Variants in PLEKHA6 observed in about 807,000 individuals in gnomAD.
PLEKHA6 encodes pleckstrin homology domain containing A6.
PLEKHA6 carries 60 observed loss-of-function variants against 116.7 expected under a neutral mutation model. That is an observed-to-expected ratio of 0.51 (90% CI 0.42 to 0.64). The LOEUF is 0.64. Among genes scored for constraint, PLEKHA6 ranks in the 30% least tolerant of loss-of-function variants. The pLI, the probability that PLEKHA6 is intolerant of heterozygous loss-of-function variation, is 0.00. For synonymous variants in PLEKHA6, 489 were observed against 556.1 expected (o/e 0.88, Z 1.70); for missense variants, 1,338 against 1,422.7 (o/e 0.94, Z 0.96).
chr1:204,372,449 T>C (rs914177401), intron 1 of PLEKHA6, among the ~76,000 whole-genome samples: 5 of 152,196 alleles, frequency 3.3e-5, no homozygotes, highest in African/African-American at 1.2e-4. Context: ...CTGTCTTGGC[T>C]ACTTCAGGTA....
chr1:204,228,340 A>C lies in PLEKHA6; in HGVS notation c.2886-112T>G, dbSNP rs1660671445. ...GAGGGCCAGGGCCCCGTGAATGTGC[A>C]GTCTCTGGTTCCCAGCAAGGCTGTC... On this transcript the variant is annotated intron_variant, in intron 20 of 22. Coordinates refer to ENST00000272203, the MANE Select transcript of PLEKHA6 (RefSeq NM_014935.5). This position sits in a 1 kb window ranked among gnomAD's most constrained non-coding sequence, Gnocchi z 4.0. The C allele has an allele frequency of 9.3e-7, 1 of 1,076,180 alleles. No homozygotes were observed. Among genetic ancestry groups the C allele is most frequent in the Non-Finnish European group, 1.4e-6 (1 of 737,988 alleles). The allele number at this position is 1,076,180 out of a possible 1,614,324, so 66.7% of individuals were successfully genotyped here. A position where few individuals can be genotyped will look rare whatever the true frequency, so the allele number is the denominator to read the frequency against.
chr1:204,354,430 A>T (rs985054851), intron 1 of PLEKHA6, among the ~76,000 whole-genome samples: 2 of 152,104 alleles, frequency 1.3e-5, no homozygotes, highest in Non-Finnish European at 2.9e-5. Flanking sequence ...CCCTAAAAAC[A>T]TTTCCCACCA....
intron 1 of PLEKHA6, 166 bp downstream of exon 1, chr1:204,359,528 A>T (rs1673509704): frequency 1.3e-6 from 1 of 791,620 alleles, no homozygotes; most frequent in African/African-American, 1.9e-5. Flanking sequence ...CATTCTCAGC[A>T]TCCATGATCC....
At position 204,223,264 on chromosome 1, in the gene PLEKHA6, T is replaced by C. The variant is rs933058570; in HGVS notation, c.*8+198A>G. On this transcript the variant is annotated intron_variant, in intron 22 of 22. Coordinates refer to ENST00000272203, the MANE Select transcript of PLEKHA6 (RefSeq NM_014935.5). The surrounding 1 kb of genome is among the most constrained non-coding windows in gnomAD (Gnocchi z 4.8). ...ACATCCAAGAAGCGGCCCTGCCAGC[T>C]GGCTCCAGCCCAGCACTGCGTGGGG... Among the ~76,000 whole-genome samples the C allele has an allele frequency of 3.3e-5, 5 of 152,122 alleles. No homozygotes were observed. The highest frequency in any genetic ancestry group is 1.2e-4 in the African/African-American group (5 of 41,440).
intron 1 of PLEKHA6, among the ~76,000 whole-genome samples, chr1:204,336,133 G>A (rs1218129975): frequency 6.6e-6 from 1 of 152,118 alleles, no homozygotes; most frequent in African/African-American, 2.4e-5. Flanking sequence ...AGCTCTCAGT[G>A]CGGCATCCTA....
Position 204,228,985 on chromosome 1 carries a change from G to A in PLEKHA6, c.2703C>T (p.Arg901=). ...ETPREEIARL[R]KMELEPQHYD... ...AATGCTGGGGCTCTAGCTCCATTTT[G>A]CGAAGCCGGGCAATTTCCTCCCGGG... The change falls in exon 19 of 23, where the codon CGC becomes CGT. Residue 901 remains arginine (R), a synonymous_variant. Transcript: ENST00000272203. This position sits in a 1 kb window ranked among gnomAD's most constrained non-coding sequence, Gnocchi z 4.0. 3 of 1,614,160 alleles carry A rather than the reference G, an allele frequency of 1.9e-6. No individual in the cohort carries two copies. Among genetic ancestry groups the A allele is most frequent in the Non-Finnish European group, 2.5e-6 (3 of 1,180,022 alleles).
chr1:204,341,067 C>G (rs1672828965), intron 1 of PLEKHA6, among the ~76,000 whole-genome samples: 1 of 152,182 alleles, frequency 6.6e-6, no homozygotes, highest in African/African-American at 2.4e-5. Flanking sequence ...CGGTGCTCTA[C>G]CAGCCAGCTA....
intron 1 of PLEKHA6, among the ~76,000 whole-genome samples, chr1:204,358,125 C>T (rs762377602): frequency 6.6e-6 from 1 of 152,206 alleles, no homozygotes; most frequent in Non-Finnish European, 1.5e-5. Context: ...ATTAATTACA[C>T]ACCAGTGCTA....
chr1:204,275,625 C>CT, intron 1 of PLEKHA6: 2 of 844,596 alleles, frequency 2.4e-6, no homozygotes, highest in Non-Finnish European at 2.9e-6. Flanking sequence ...CTCCGGCTGG[C>CT]TGAGTGTCAG....
chr1:204,376,847 A>G (rs768749627), intron 1 of PLEKHA6, among the ~76,000 whole-genome samples: 6 of 152,188 alleles, frequency 3.9e-5, no homozygotes, highest in South Asian at 2.1e-4. Flanking sequence ...GACTTGCTAT[A>G]TTTCTGGAAG....
In PLEKHA6 at chr1:204,244,919, G is replaced by A. The variant is rs777129079; in HGVS notation, c.2117C>T (p.Pro706Leu). The change falls in exon 15 of 23, where the codon CCC (proline) becomes CTC (leucine). Residue 706 changes from proline to leucine, a missense_variant. Transcript: ENST00000272203. Reference protein sequence around the residue: ...SSASLTSPLSPFSLVSGSQGS... With the variant: ...SSASLTSPLSLFSLVSGSQGS... ...CTGAGAGCCCGACACCAGTGAAAAG[G>A]GGCTCAGGGGGCTGGTGAGGCTGGC... is the stretch of plus-strand genomic sequence containing the variant. 2 of 1,529,488 alleles carry A rather than the reference G, an allele frequency of 1.3e-6. No homozygotes were observed. Among genetic ancestry groups the A allele is most frequent in the African/African-American group, 1.4e-5 (1 of 71,528 alleles). The allele number at this position is 1,529,488 out of a possible 1,614,324, so 94.7% of individuals were successfully genotyped here.
chr1:204,256,646 G>A (rs1033041503), intron 9 of PLEKHA6, among the ~76,000 whole-genome samples: 1 of 152,190 alleles, frequency 6.6e-6, no homozygotes, highest in Non-Finnish European at 1.5e-5. Flanking sequence ...CTAGAGTCCT[G>A]GCTGGGAGGG....
Position 204,220,165 on chromosome 1 carries a change from C to T in PLEKHA6, c.*2623G>A, listed in dbSNP as rs1659501722. On this transcript the variant is annotated 3_prime_UTR_variant, in exon 23 of 23. Coordinates refer to ENST00000272203, the MANE Select transcript of PLEKHA6 (RefSeq NM_014935.5). Reference sequence around the variant, plus strand: ...CTGTTTGGCATAGGCTGCTGTTACGCTGTCTGCTCTTTCCAGCAGGCTGAT... The same window carrying T: ...CTGTTTGGCATAGGCTGCTGTTACGTTGTCTGCTCTTTCCAGCAGGCTGAT... 1 of 152,298 alleles carries T rather than the reference C, an allele frequency of 6.6e-6. No homozygotes were observed. The highest frequency in any genetic ancestry group is 2.1e-4 in the South Asian group (1 of 4,836). 9.4% of individuals were successfully genotyped at this position (152,298 alleles called of 1,614,324 possible).
chr1:204,324,112 G>A (rs1219166768), intron 1 of PLEKHA6, among the ~76,000 whole-genome samples: 2 of 152,088 alleles, frequency 1.3e-5, no homozygotes, highest in Non-Finnish European at 2.9e-5. Context: ...TAGCTATGAT[G>A]AAGTGCAGTA....
At chr1:204,310,050 T>C (rs907212199) in intron 1 of PLEKHA6, among the ~76,000 whole-genome samples, 8 of 151,812 alleles carry the variant, frequency 5.3e-5, no homozygotes, top group Non-Finnish European at 1.0e-4. Flanking sequence ...CAGCACCAAA[T>C]ATAAACCCCA....
intron 17 of PLEKHA6, among the ~76,000 whole-genome samples, chr1:204,239,544 C>T (rs538772423): frequency 6.9e-4 from 105 of 152,304 alleles, no homozygotes; most frequent in Middle Eastern, 3.4e-3. Context: ...CCTTATCCAC[C>T]GTCATGGTAT....
Position 204,273,651 on chromosome 1 carries a change from A to G in PLEKHA6, c.77T>C (p.Val26Ala). Residue 26 changes from valine (V) to alanine (A), a missense_variant, in exon 3 of 23, where the codon GTC (valine) becomes GCC (alanine). By Grantham distance (64) the Val-to-Ala change is moderately conservative. Coordinates refer to ENST00000272203, the MANE Select transcript of PLEKHA6 (RefSeq NM_014935.5). ...DIPNHNMVSEVPPERPSVRAT... is the reference protein window; with the variant it reads ...DIPNHNMVSEAPPERPSVRAT... ...CCGGACGCTGGGCCGCTCTGGAGGG[A>G]CCTCGGACACCATGTTGTGGTTGGG... 6.2e-7 allele frequency: 1 copy of G among 1,613,882 alleles called. No individual in the cohort carries two copies. Among genetic ancestry groups the G allele is most frequent in the South Asian group, 1.1e-5 (1 of 91,048 alleles).
At chr1:204,239,400 T>C (rs1229212042) in intron 17 of PLEKHA6, among the ~76,000 whole-genome samples, 1 of 152,168 alleles carries the variant, frequency 6.6e-6, no homozygotes, top group South Asian at 2.1e-4. Context: ...GCAGGTTGAT[T>C]ATATTGGACC....
Position 204,372,727 on chromosome 1 carries a change from C to T in PLEKHA6, c.84-1121G>A, listed in dbSNP as rs150611619. On this transcript the variant is annotated intron_variant, in intron 1 of 4. Transcript: ENST00000564627. ...TGAATTCCCAAACTTTCTGTGTGAC[C>T]CTTTGTAATTCCTCCTTCCCACCCC... Among the ~76,000 whole-genome samples, 806 of 152,148 alleles carry T rather than the reference C, an allele frequency of 5.3e-3. 11 individuals are homozygous for T. The highest frequency in any genetic ancestry group is 0.048 in the Middle Eastern group (14 of 294).
Sources: gnomAD v4.1 joint callset for allele counts (sites outside exome capture counted in the v4.1 genomes callset) on GRCh38, gnomAD v4.1.1 for gene constraint, Gnocchi (gnomAD v3.1) non-coding constraint, MANE v1.5 for transcripts, NCBI Gene and HGNC (gene_info 2026-07-23, HGNC 2026-07-21) for gene names.